The following KCNJ3 variants were observed in gnomAD, a reference collection of about 807,000 sequenced individuals.
The protein encoded by KCNJ3 is potassium inwardly rectifying channel subfamily J member 3.
In KCNJ3, 4 loss-of-function variants were observed where a neutral mutation model predicts 39.2. The observed-to-expected ratio is 0.10, with a 90% CI of 0.05 to 0.23. KCNJ3 has a LOEUF of 0.23. Ranked by LOEUF, KCNJ3 falls within the 10% of genes least tolerant of loss-of-function variation. KCNJ3 has a pLI of 1.00. For synonymous variants in KCNJ3, 230 were observed against 237.4 expected, an observed-to-expected ratio of 0.97 and a Z score of 0.29; for missense variants, 276 against 634.9, an observed-to-expected ratio of 0.43 and a Z score of 6.08.
At chr2:154,792,288 G>T (rs1022223024) in intron 2 of KCNJ3, among the ~76,000 whole-genome samples, 2 of 152,032 alleles carry the variant, frequency 1.3e-5, no homozygotes, top group Non-Finnish European at 2.9e-5. Flanking sequence ...AATGTTTATT[G>T]TAAAAGTAGT....
intron 2 of KCNJ3, among the ~76,000 whole-genome samples, chr2:154,761,585 T>A (rs1263238357): frequency 2.0e-5 from 3 of 152,210 alleles, no homozygotes; most frequent in Non-Finnish European, 4.4e-5. Context: ...ATGTGTTTTT[T>A]AATTACATCT....
In KCNJ3 at chr2:154,796,143, GTAATCGTGT is replaced by G. The variant is rs1436181661; in HGVS notation, c.920-58583_920-58575del. Among the ~76,000 whole-genome samples the G allele has an allele frequency of 3.9e-5, 6 of 152,158 alleles. No homozygotes were observed. The East Asian group carries it at 1.2e-3, about 29-fold the overall frequency. ...AGGTTGGGATGCAGTGCTAAATTCC[GTAATCGTGT>G]GAGGTTATCTGAGGAATTAAAGGAA... is the stretch of plus-strand genomic sequence containing the variant. On this transcript the variant is annotated intron_variant, in intron 2 of 2. Transcript: ENST00000295101.
At chr2:154,734,951 T>A (rs1406859757) in intron 2 of KCNJ3, among the ~76,000 whole-genome samples, 1 of 152,118 alleles carries the variant, frequency 6.6e-6, no homozygotes, top group African/African-American at 2.4e-5. Context: ...AAGGGAGACA[T>A]TTTTTCCTCC....
At chr2:154,840,554 C>T (rs1447931461) in intron 2 of KCNJ3, among the ~76,000 whole-genome samples, 3 of 152,178 alleles carry the variant, frequency 2.0e-5, no homozygotes, top group African/African-American at 7.2e-5. Flanking sequence ...AATATTGATT[C>T]TTCCAATCCA....
rs1472445853 is a variant in KCNJ3 at position 154,699,528 on chromosome 2, C to T, written c.702+51C>T. The T allele has an allele frequency of 2.7e-6, 4 of 1,504,646 alleles. No homozygotes were observed. Among genetic ancestry groups the T allele is most frequent in the South Asian group, 2.5e-5 (2 of 78,692 alleles). 93.2% of individuals were successfully genotyped at this position (1,504,646 alleles called of 1,614,324 possible). A position where few individuals can be genotyped will look rare whatever the true frequency, so the allele number is the denominator to read the frequency against. On this transcript the variant is annotated intron_variant, in intron 1 of 2. Transcript: ENST00000295101. The surrounding 1 kb of genome is among the most constrained non-coding windows in gnomAD (Gnocchi z 6.4). Reference sequence around the variant, plus strand: ...CCGGGAGACCTGCGTCCCCCAAACCCGCGGAGTAACTCGTCTGAGAACCAG... The same window carrying T: ...CCGGGAGACCTGCGTCCCCCAAACCTGCGGAGTAACTCGTCTGAGAACCAG...
intron 1 of KCNJ3, among the ~76,000 whole-genome samples, chr2:154,701,069 G>T (rs897183858): frequency 6.6e-6 from 1 of 152,162 alleles, no homozygotes; most frequent in African/African-American, 2.4e-5. Flanking sequence ...CAAGCAGTTT[G>T]TCAGATCAAG....
intron 2 of KCNJ3, among the ~76,000 whole-genome samples, chr2:154,745,119 C>T (rs1010727458): frequency 2.6e-5 from 4 of 151,854 alleles, no homozygotes; most frequent in African/African-American, 9.7e-5. Context: ...CTTACATTTG[C>T]TGAGGCTTGT....
chr2:154,760,974 T>G (rs1372188401), intron 2 of KCNJ3, among the ~76,000 whole-genome samples: 4 of 151,278 alleles, frequency 2.6e-5, no homozygotes, highest in Non-Finnish European at 5.9e-5. Flanking sequence ...CCTGACCTCA[T>G]GATCCACCCG....
chr2:154,836,333 C>A (rs1395881415), intron 2 of KCNJ3, among the ~76,000 whole-genome samples: 2 of 151,380 alleles, frequency 1.3e-5, no homozygotes, highest in Non-Finnish European at 1.5e-5. Flanking sequence ...CATTTCTTTT[C>A]TGAAAATGTC....
At chr2:154,732,388 C>T (rs1685461588) in intron 2 of KCNJ3, among the ~76,000 whole-genome samples, 1 of 152,000 alleles carries the variant, frequency 6.6e-6, no homozygotes, top group Non-Finnish European at 1.5e-5. Flanking sequence ...TTTTCTTACC[C>T]ATTGGTGTTT....
chr2:154,772,866 A>C (rs1429484283), intron 2 of KCNJ3, among the ~76,000 whole-genome samples: 3 of 151,984 alleles, frequency 2.0e-5, no homozygotes, highest in Non-Finnish European at 4.4e-5. Context: ...CAATCATACA[A>C]ACTGTGCAGT....
rs549006587 is a variant in KCNJ3, at chr2:154,708,890, A to G, written c.703-713A>G. ...TTGAAATTGCATTTTGATTAAAGAA[A>G]GTTCAGTTTAGTTCAGTTTTTCACT... On this transcript the variant is annotated intron_variant, in intron 1 of 2. Transcript: ENST00000295101. 1.6e-4 allele frequency among the ~76,000 whole-genome samples: 24 copies of G among 152,290 alleles called. No individual in the cohort carries two copies. In the South Asian group the frequency reaches 5.0e-3, roughly 32 times the overall value.
intron 2 of KCNJ3, among the ~76,000 whole-genome samples, chr2:154,743,042 T>G (rs1044018153): frequency 6.6e-6 from 1 of 151,882 alleles, no homozygotes; most frequent in South Asian, 2.1e-4. Flanking sequence ...TTATTTTTTG[T>G]GTATGGTGTT....
At chr2:154,823,818 G>GT (rs753708409) in intron 2 of KCNJ3, among the ~76,000 whole-genome samples, 5 of 152,064 alleles carry the variant, frequency 3.3e-5, no homozygotes, top group African/African-American at 7.2e-5. Flanking sequence ...ATAGAAGACT[G>GT]TGATGTCCAT....
intron 2 of KCNJ3, among the ~76,000 whole-genome samples, chr2:154,831,328 G>GTT (rs1474423543): frequency 2.6e-5 from 4 of 152,050 alleles, no homozygotes; most frequent in Non-Finnish European, 5.9e-5. Context: ...GGAAAAGTCT[G>GTT]TTTTACTCTA....
intron 2 of KCNJ3, among the ~76,000 whole-genome samples, chr2:154,793,617 C>G (rs1686673582): frequency 1.3e-5 from 2 of 152,012 alleles, no homozygotes; most frequent in Non-Finnish European, 2.9e-5. Context: ...TTGTCTAAAG[C>G]TGTATCTGTA....
At chr2:154,704,555 T>C (rs189290443) in intron 1 of KCNJ3, among the ~76,000 whole-genome samples, 7 of 152,320 alleles carry the variant, frequency 4.6e-5, no homozygotes, top group Admixed American at 4.6e-4. Context: ...AAAATCCTTA[T>C]TTTGGACTTG....
chr2:154,843,592 A>ATCTT (rs1316225300), intron 2 of KCNJ3, among the ~76,000 whole-genome samples: 2 of 151,592 alleles, frequency 1.3e-5, no homozygotes, highest in African/African-American at 4.9e-5. Flanking sequence ...TGTAGATTTG[A>ATCTT]TCTTTTCACA....
intron 1 of KCNJ3, among the ~76,000 whole-genome samples, chr2:154,705,169 A>C (rs1477343394): frequency 6.6e-6 from 1 of 152,212 alleles, no homozygotes; most frequent in African/African-American, 2.4e-5. Context: ...ACGTAGTTAC[A>C]TATTAGAGAG....
Sources: allele counts gnomAD v4.1 joint callset (sites outside exome capture counted in the v4.1 genomes callset), GRCh38; gene constraint gnomAD v4.1.1; non-coding constraint Gnocchi (gnomAD v3.1); transcripts MANE v1.5; gene names NCBI Gene and HGNC (gene_info 2026-07-23, HGNC 2026-07-21).